Variants in DLG2 observed in about 807,000 individuals in gnomAD.
DLG2 encodes the protein discs large MAGUK scaffold protein 2.
In DLG2, 45 loss-of-function variants were observed where a neutral mutation model predicts 132.5. The observed-to-expected ratio is 0.34, with a 90% CI of 0.27 to 0.44. The LOEUF is 0.44. Among genes scored for constraint, DLG2 ranks in the 20% least tolerant of loss-of-function variants. The pLI, the probability that DLG2 is intolerant of heterozygous loss-of-function variation, is 1.00. For synonymous variants in DLG2, 424 were observed against 419.6 expected, an observed-to-expected ratio of 1.01 and a Z score of -0.13; for missense variants, 1,045 against 1,196.9, an observed-to-expected ratio of 0.87 and a Z score of 1.87.
At chr11:83,869,008 G>A (rs1348084064) in intron 16 of DLG2, among the ~76,000 whole-genome samples, 1 of 152,154 alleles carries the variant, frequency 6.6e-6, no homozygotes, top group Non-Finnish European at 1.5e-5. Context: ...ATTCCTAGAA[G>A]TCCATAAGCC....
chr11:83,766,891 G>C (rs1295258518), intron 18 of DLG2, among the ~76,000 whole-genome samples: 1 of 152,184 alleles, frequency 6.6e-6, no homozygotes, highest in Non-Finnish European at 1.5e-5. Context: ...TCTGTCCACA[G>C]CACTGCATTC....
At chr11:84,033,776 T>A (rs1158826214) in intron 11 of DLG2, among the ~76,000 whole-genome samples, 1 of 152,144 alleles carries the variant, frequency 6.6e-6, no homozygotes, top group Non-Finnish European at 1.5e-5. Context: ...CGGTGGCTCA[T>A]GCCTGTAATC....
chr11:84,554,126 T>C (rs1461156320), intron 6 of DLG2, among the ~76,000 whole-genome samples: 1 of 152,198 alleles, frequency 6.6e-6, no homozygotes, highest in East Asian at 1.9e-4. Flanking sequence ...GTCCATTCAG[T>C]TCATGGCTTC....
At chr11:85,558,011 TAAACAGAC>T (rs995953658) in intron 3 of DLG2, among the ~76,000 whole-genome samples, 3 of 151,518 alleles carry the variant, frequency 2.0e-5, no homozygotes, top group African/African-American at 7.3e-5. Context: ...TACAACAGAG[TAAACAGAC>T]AACCTACAGA....
intron 4 of DLG2, among the ~76,000 whole-genome samples, chr11:85,164,255 T>C (rs1006504266): frequency 6.6e-6 from 1 of 152,146 alleles, no homozygotes; most frequent in Non-Finnish European, 1.5e-5. Context: ...CTTCAGTGTC[T>C]GTAGTTTCAC....
At chr11:84,131,990 C>A (rs373769538) in intron 9 of DLG2, among the ~76,000 whole-genome samples, 2 of 151,638 alleles carry the variant, frequency 1.3e-5, no homozygotes, top group East Asian at 1.9e-4. Flanking sequence ...AACACGTACA[C>A]ACACAAATAA....
chr11:83,800,760 T>C (rs1256675359), intron 17 of DLG2, among the ~76,000 whole-genome samples: 6 of 152,206 alleles, frequency 3.9e-5, no homozygotes, highest in Admixed American at 3.3e-4. Flanking sequence ...TAATAAAGTA[T>C]AACTTGGCTG....
chr11:83,590,923 C>G (rs2097177354), intron 19 of DLG2, among the ~76,000 whole-genome samples: 1 of 151,054 alleles, frequency 6.6e-6, no homozygotes, highest in Non-Finnish European at 1.5e-5. Context: ...CACATACACT[C>G]TCCCAAGACT....
intron 6 of DLG2, among the ~76,000 whole-genome samples, chr11:85,001,227 G>C (rs2058179202): frequency 6.6e-6 from 1 of 151,568 alleles, no homozygotes; most frequent in Non-Finnish European, 1.5e-5. Flanking sequence ...TTGAGTAACT[G>C]GGACCACAGG....
chr11:84,335,661 T>C (rs927685195), intron 7 of DLG2, among the ~76,000 whole-genome samples: 1 of 152,192 alleles, frequency 6.6e-6, no homozygotes, highest in Non-Finnish European at 1.5e-5. Flanking sequence ...GAAGGAGAAA[T>C]TGATTTGCAT....
intron 7 of DLG2, among the ~76,000 whole-genome samples, chr11:84,420,662 T>C (rs1420869858): frequency 3.7e-5 from 2 of 53,792 alleles, no homozygotes; most frequent in African/African-American, 1.1e-4. Flanking sequence ...TTTTTTTTTT[T>C]TTTTTTTTTT....
chr11:83,881,036 T>C (rs1215337296), intron 15 of DLG2, among the ~76,000 whole-genome samples: 2 of 57,704 alleles, frequency 3.5e-5, no homozygotes, highest in Admixed American at 1.5e-4. Flanking sequence ...TAGTGGTTTT[T>C]TCCATTTTTT....
chr11:85,053,823 C>T (rs1235239963), intron 6 of DLG2, among the ~76,000 whole-genome samples: 1 of 141,250 alleles, frequency 7.1e-6, no homozygotes, highest in South Asian at 2.2e-4. Flanking sequence ...AAAAAAAATT[C>T]ATGGTGAGTA....
chr11:85,591,811 ACTT>A (rs2079363781), intron 3 of DLG2, among the ~76,000 whole-genome samples: 2 of 152,122 alleles, frequency 1.3e-5, no homozygotes, highest in South Asian at 4.1e-4. Flanking sequence ...AGCCAACTCT[ACTT>A]CTTCTTTGTA....
At chr11:83,546,809 T>A (rs1423154138) in intron 19 of DLG2, among the ~76,000 whole-genome samples, 1 of 152,168 alleles carries the variant, frequency 6.6e-6, no homozygotes, top group Non-Finnish European at 1.5e-5. Context: ...GCAAAAAAGA[T>A]GCATGAGTAG....
chr11:85,578,061 G>T (rs1297923664), intron 3 of DLG2, among the ~76,000 whole-genome samples: 2 of 152,094 alleles, frequency 1.3e-5, no homozygotes, highest in African/African-American at 4.8e-5. Flanking sequence ...AAGTGGAACA[G>T]AATAGAGAAC....
At chr11:85,333,108 G>T (rs1328891919) in intron 3 of DLG2, among the ~76,000 whole-genome samples, 1 of 152,026 alleles carries the variant, frequency 6.6e-6, no homozygotes, top group Non-Finnish European at 1.5e-5. Context: ...ATTTGTTTGT[G>T]TCTTCTCTGA....
In DLG2 at chr11:83,673,175, T is replaced by C. The variant is rs530242900; in HGVS notation, c.1826-39850A>G. ...GACTAAAAACATATATTTGTCCATA[T>C]AATTTTTAGTCATGACAAACACATG... On this transcript the variant is annotated intron_variant, in intron 18 of 27. Coordinates refer to ENST00000376104, the MANE Select transcript of DLG2 (RefSeq NM_001142699.3). 1.0e-3 allele frequency among the ~76,000 whole-genome samples: 153 copies of C among 152,362 alleles called. 1 individual carries two copies. Among genetic ancestry groups the C allele is most frequent in the South Asian group, 8.7e-3 (42 of 4,828 alleles).
intron 6 of DLG2, among the ~76,000 whole-genome samples, chr11:84,773,481 T>G (rs1158041123): frequency 6.6e-6 from 1 of 152,114 alleles, no homozygotes; most frequent in Non-Finnish European, 1.5e-5. Context: ...AAAGTAAACT[T>G]CAGGCCAATA....
Sources: allele counts gnomAD v4.1 joint callset (sites outside exome capture counted in the v4.1 genomes callset), GRCh38; gene constraint gnomAD v4.1.1; transcripts MANE v1.5; gene names NCBI Gene and HGNC (gene_info 2026-07-23, HGNC 2026-07-21).